OPCML: variants seen among roughly 807,000 people sequenced by gnomAD.
OPCML encodes the protein opioid binding protein/cell adhesion molecule like.
OPCML carries 13 observed loss-of-function variants against 37.8 expected under a neutral mutation model. That is an observed-to-expected ratio of 0.34 (90% CI 0.22 to 0.55). The LOEUF (loss-of-function observed/expected upper bound fraction) is 0.55. Among genes scored for constraint, OPCML ranks in the 20% least tolerant of loss-of-function variants. The probability of loss-of-function intolerance (pLI) is 0.91; values close to 1 mark genes in which losing one functional copy is unlikely to be tolerated. For missense variants in OPCML, 341 were observed against 435.6 expected, an observed-to-expected ratio of 0.78 and a Z score of 1.93; for synonymous variants, 176 against 168.8, an observed-to-expected ratio of 1.04 and a Z score of -0.33.
intron 3 of OPCML, among the ~76,000 whole-genome samples, chr11:132,655,820 C>T (rs557894101): frequency 6.6e-6 from 1 of 151,338 alleles, no homozygotes; most frequent in South Asian, 2.1e-4. Context: ...CCCCACGCAA[C>T]CTCTCTCTAG....
At chr11:133,341,786 G>A (rs1355137178) in intron 1 of OPCML, among the ~76,000 whole-genome samples, 1 of 152,108 alleles carries the variant, frequency 6.6e-6, no homozygotes, top group Non-Finnish European at 1.5e-5. Context: ...GGGCTTAGTG[G>A]TGGCACCTGT....
At chr11:132,634,877 G>A (rs1178019349) in intron 3 of OPCML, among the ~76,000 whole-genome samples, 4 of 151,674 alleles carry the variant, frequency 2.6e-5, no homozygotes, top group Non-Finnish European at 4.4e-5. Context: ...TAACTGGGCC[G>A]ATACACTCAG....
At chr11:133,227,312 A>G (rs1409655608) in intron 1 of OPCML, among the ~76,000 whole-genome samples, 1 of 152,222 alleles carries the variant, frequency 6.6e-6, no homozygotes, top group Non-Finnish European at 1.5e-5. Flanking sequence ...ATCAGCTGTC[A>G]GCTGTACACC....
At chr11:132,465,664 T>A (rs1425718194) in intron 4 of OPCML, among the ~76,000 whole-genome samples, 1 of 152,162 alleles carries the variant, frequency 6.6e-6, no homozygotes, top group Admixed American at 6.5e-5. Flanking sequence ...CATTTATGAA[T>A]CTCTTTCACT....
At chr11:133,025,559 G>A (rs1009000108) in intron 1 of OPCML, 8 of 676,166 alleles carry the variant, frequency 1.2e-5, no homozygotes, top group Admixed American at 1.3e-4. Context: ...AGAGTGGTTC[G>A]TTTGGGTATT....
chr11:132,799,437 T>C (rs1716387740), intron 2 of OPCML, among the ~76,000 whole-genome samples: 1 of 152,030 alleles, frequency 6.6e-6, no homozygotes, highest in South Asian at 2.1e-4. Flanking sequence ...ATTAGGGTCT[T>C]ATGGAGAAGG....
chr11:133,163,487 A>G (rs1950170847), intron 1 of OPCML, among the ~76,000 whole-genome samples: 1 of 152,252 alleles, frequency 6.6e-6, no homozygotes, highest in South Asian at 2.1e-4. Context: ...GCATGTTCAT[A>G]GACGTTTAAA....
At chr11:132,485,497 C>T (rs2096196952) in intron 4 of OPCML, among the ~76,000 whole-genome samples, 1 of 152,304 alleles carries the variant, frequency 6.6e-6, no homozygotes, top group Admixed American at 6.5e-5. Context: ...AGCATGTTTC[C>T]TTTCTCCCAC....
chr11:132,884,395 T>G (rs1943331693), intron 2 of OPCML, among the ~76,000 whole-genome samples: 1 of 152,114 alleles, frequency 6.6e-6, no homozygotes, highest in Non-Finnish European at 1.5e-5. Context: ...TGGATAGAAG[T>G]GTGTTGGTTG....
intron 2 of OPCML, among the ~76,000 whole-genome samples, chr11:132,805,411 T>C (rs545142342): frequency 1.3e-5 from 2 of 152,310 alleles, no homozygotes; most frequent in Admixed American, 6.5e-5. Context: ...GCTTCCCACA[T>C]TTTATTTAAG....
intron 4 of OPCML, among the ~76,000 whole-genome samples, chr11:132,514,990 G>A (rs2096276636): frequency 6.6e-6 from 1 of 152,128 alleles, no homozygotes; most frequent in Non-Finnish European, 1.5e-5. Flanking sequence ...AATAAGCATG[G>A]GCTAAGTGGA....
intron 1 of OPCML, among the ~76,000 whole-genome samples, chr11:132,991,039 A>G (rs149786261): frequency 1.1e-4 from 17 of 152,344 alleles, no homozygotes; most frequent in African/African-American, 3.8e-4. Flanking sequence ...TGACCCGCTA[A>G]GCAAACCATA....
chr11:132,879,417 A>G (rs1943143033), intron 2 of OPCML, among the ~76,000 whole-genome samples: 1 of 152,230 alleles, frequency 6.6e-6, no homozygotes, highest in Non-Finnish European at 1.5e-5. Context: ...AAGAGTTATG[A>G]AAGTTTCTGT....
chr11:132,644,598 T>C (rs1301000329), intron 3 of OPCML, among the ~76,000 whole-genome samples: 1 of 152,236 alleles, frequency 6.6e-6, no homozygotes, highest in Non-Finnish European at 1.5e-5. Flanking sequence ...ATTTGGTAGC[T>C]TGTATCTCAG....
At chr11:133,389,128 ACAG>A in intron 1 of OPCML, among the ~76,000 whole-genome samples, 1 of 152,196 alleles carries the variant, frequency 6.6e-6, no homozygotes, top group South Asian at 2.1e-4. Context: ...GTTAGAGACA[ACAG>A]CTTACTAAGG....
intron 1 of OPCML, among the ~76,000 whole-genome samples, chr11:133,197,544 A>G (rs1303484928): frequency 6.6e-6 from 1 of 152,192 alleles, no homozygotes; most frequent in Non-Finnish European, 1.5e-5. Context: ...AGGTCTGGAA[A>G]TGCCTAGATA....
intron 1 of OPCML, among the ~76,000 whole-genome samples, chr11:133,251,765 A>C (rs1353624485): frequency 1.3e-5 from 2 of 152,212 alleles, no homozygotes; most frequent in Non-Finnish European, 2.9e-5. Context: ...TGGTCCTTTG[A>C]GCCTCCTCAA....
chr11:133,431,036 G>T (rs763060714), intron 1 of OPCML, among the ~76,000 whole-genome samples: 3 of 151,838 alleles, frequency 2.0e-5, no homozygotes, highest in Non-Finnish European at 4.4e-5. Context: ...TAAACACAGA[G>T]GCAAAAAAGC....
chr11:133,055,191 T>C (rs1237157008), intron 1 of OPCML, among the ~76,000 whole-genome samples: 1 of 144,518 alleles, frequency 6.9e-6, no homozygotes, highest in Non-Finnish European at 1.5e-5. Flanking sequence ...TCCATGATAC[T>C]TCCAAGTGGT....
Sources: allele counts gnomAD v4.1 joint callset (sites outside exome capture counted in the v4.1 genomes callset), GRCh38; gene constraint gnomAD v4.1.1; transcripts MANE v1.5; gene names NCBI Gene and HGNC (gene_info 2026-07-23, HGNC 2026-07-21).